Variants in IFNAR1 observed in about 807,000 individuals in gnomAD.
The protein encoded by IFNAR1 is interferon alpha and beta receptor subunit 1, also known as interferon alpha/beta receptor 1.
A neutral mutation model predicts 62.1 loss-of-function variants in IFNAR1; 47 were observed. The observed-to-expected ratio is 0.76, with a 90% CI of 0.60 to 0.97. The LOEUF (loss-of-function observed/expected upper bound fraction) is 0.97, where lower values mean the gene tolerates loss of function less well. Ranked by LOEUF, IFNAR1 falls within the 50% of genes least tolerant of loss-of-function variation. IFNAR1 has a pLI of 0.00. For synonymous variants in IFNAR1, 219 were observed against 226.9 expected (o/e 0.97, Z 0.31); for missense variants, 638 against 654.5 (o/e 0.97, Z 0.27).
chr21:33,349,045 T>A, intron 6 of IFNAR1, 46 bp from the exon 7 acceptor site: 1 of 1,222,228 alleles, frequency 8.2e-7, no homozygotes, highest in Non-Finnish European at 1.2e-6. Context: ...CAATTGTAAA[T>A]ACTTAATAAA....
chr21:33,324,731 C>T, upstream of IFNAR1: 1 of 393,708 alleles, frequency 2.5e-6, no homozygotes. Flanking sequence ...GGCCATAGGC[C>T]GGAAAGAGTG....
rs770390659 is a variant in IFNAR1, at chr21:33,325,040, C to A, written c.-16C>A. On this transcript the variant is annotated 5_prime_UTR_variant, in exon 1 of 11. It adds an upstream start codon to the 5' untranslated region. Transcript: ENST00000270139. ...TGCGCGAACATGTAACTGGTGGGAT[C>A]TGCGGCGGCTCCCAGATGATGGTCG... is the stretch of plus-strand genomic sequence containing the variant. The A allele has an allele frequency of 1.1e-5, 18 of 1,583,724 alleles. No individual in the cohort carries two copies. The Admixed American group carries it at 3.1e-4, about 27-fold the overall frequency.
intron 3 of IFNAR1, among the ~76,000 whole-genome samples, chr21:33,342,813 T>C (rs376612609): frequency 9.2e-5 from 14 of 151,432 alleles, no homozygotes; most frequent in Non-Finnish European, 2.1e-4. Flanking sequence ...GCCGAGATCG[T>C]GCCACTGCAC....
intron 5 of IFNAR1, among the ~76,000 whole-genome samples, 163 bp from the exon 6 acceptor site, chr21:33,345,083 C>G (rs1007669128): frequency 6.6e-6 from 1 of 152,146 alleles, no homozygotes; most frequent in Non-Finnish European, 1.5e-5. Context: ...CCACTGCGCC[C>G]GGCCTGTAGT....
At chr21:33,336,757 T>C (rs2083241217) in intron 2 of IFNAR1, among the ~76,000 whole-genome samples, 1 of 148,110 alleles carries the variant, frequency 6.8e-6, no homozygotes, top group Admixed American at 6.7e-5. Context: ...CTTTTTTTTT[T>C]TTTTTTTTTT....
Position 33,325,028 on chromosome 21 carries a change from A to C in IFNAR1, c.-28A>C, listed in dbSNP as rs1344451312. On this transcript the variant is annotated 5_prime_UTR_variant, in exon 1 of 11. The change abolishes the stop of an existing upstream ORF in the 5' untranslated region. Transcript: ENST00000270139. ...AGGAGCTGCGCGTGCGCGAACATGT[A>C]ACTGGTGGGATCTGCGGCGGCTCCC... 1 of 1,573,376 alleles carries C rather than the reference A, an allele frequency of 6.4e-7. No individual in the cohort carries two copies. The highest frequency in any genetic ancestry group is 1.2e-5 in the South Asian group (1 of 86,138).
rs1319154637 is a variant in IFNAR1 at position 33,353,706 on chromosome 21, T to C, written c.1363T>C (p.Tyr455His). 2 of 1,591,078 alleles carry C rather than the reference T, an allele frequency of 1.3e-6. No individual in the cohort carries two copies. The highest frequency in any genetic ancestry group is 1.8e-5 in the Admixed American group (1 of 54,076). ...IALFALPFVI[Y>H]AAKVFLRCIN... ...ATTATTTGCTCTCCCGTTTGTCATT[T>C]ATGCTGCGAAAGTCTTCTTGAGATG... The change falls in exon 10 of 11, where the codon TAT (tyrosine) becomes CAT (histidine). Residue 455 changes from tyrosine to histidine, a missense_variant. Coordinates refer to ENST00000270139, the MANE Select transcript of IFNAR1 (RefSeq NM_000629.3).
intron 6 of IFNAR1, among the ~76,000 whole-genome samples, chr21:33,346,549 C>T (rs1052916991): frequency 3.9e-5 from 6 of 152,112 alleles, no homozygotes; most frequent in Non-Finnish European, 8.8e-5. Flanking sequence ...AATAGGGTCA[C>T]CAAATAGATA....
At chr21:33,334,559 C>A in intron 1 of IFNAR1, 1 of 525,338 alleles carries the variant, frequency 1.9e-6, no homozygotes, top group Non-Finnish European at 3.8e-6. Flanking sequence ...CTAGAACTGC[C>A]CTGCGAGAAA....
intron 1 of IFNAR1, chr21:33,334,619 G>C (rs2083215408): frequency 1.6e-6 from 1 of 639,350 alleles, no homozygotes; most frequent in Non-Finnish European, 3.0e-6. Context: ...AGACAGAGGG[G>C]ACAGTGCAGA....
intron 1 of IFNAR1, among the ~76,000 whole-genome samples, chr21:33,334,380 C>T (rs1300849283): frequency 6.6e-6 from 1 of 152,094 alleles, no homozygotes; most frequent in African/African-American, 2.4e-5. Context: ...TCTTTGATAA[C>T]ATGATCAGCA....
intron 9 of IFNAR1, 109 bp downstream of exon 9, chr21:33,353,017 T>A: frequency 1.5e-6 from 1 of 682,906 alleles, no homozygotes; most frequent in Non-Finnish European, 2.2e-6. Flanking sequence ...GCAAAAAATA[T>A]ATAGAAAGAA....
Position 33,335,527 on chromosome 21 carries a change from G to GA in IFNAR1, c.86dup (p.Asn29LysfsTer15). Reference sequence around the variant, plus strand: ...TTATTTCTTGTTGCTTTTATAGGTGGAAAAAATCTAAAATCTCCTCAAAAA... The same window carrying GA: ...TTATTTCTTGTTGCTTTTATAGGTGGAAAAAAATCTAAAATCTCCTCAAAAA... On this transcript the variant is annotated frameshift_variant, in exon 2 of 11. Transcript: ENST00000270139. LOFTEE classifies it high-confidence loss of function. The GA allele has an allele frequency of 1.9e-6, 3 of 1,580,006 alleles. No individual in the cohort carries two copies. The highest frequency in any genetic ancestry group is 2.6e-6 in the Non-Finnish European group (3 of 1,155,334).
chr21:33,332,495 A>G (rs1430292197), intron 1 of IFNAR1, among the ~76,000 whole-genome samples: 3 of 152,228 alleles, frequency 2.0e-5, no homozygotes. Context: ...GACACCACCA[A>G]AGGAAAGTAA....
chr21:33,348,664 T>C (rs1427514383), intron 6 of IFNAR1, among the ~76,000 whole-genome samples: 2 of 152,056 alleles, frequency 1.3e-5, no homozygotes, highest in Non-Finnish European at 2.9e-5. Context: ...TAGGCAGGCC[T>C]GGTGGCGTGC....
chr21:33,337,188 A>G (rs1490063949), intron 2 of IFNAR1, among the ~76,000 whole-genome samples: 1 of 151,902 alleles, frequency 6.6e-6, no homozygotes, highest in African/African-American at 2.4e-5. Flanking sequence ...GCACCACTGT[A>G]CTCCAGCCTG....
intron 2 of IFNAR1, among the ~76,000 whole-genome samples, chr21:33,338,571 A>C (rs2083265126): frequency 6.9e-6 from 1 of 144,352 alleles, no homozygotes; most frequent in Non-Finnish European, 1.5e-5. Context: ...AATATATTTC[A>C]TGCCAAACAC....
chr21:33,328,871 G>A (rs1212032716), intron 1 of IFNAR1, among the ~76,000 whole-genome samples: 1 of 151,888 alleles, frequency 6.6e-6, no homozygotes, highest in Non-Finnish European at 1.5e-5. Flanking sequence ...TACATGTGGG[G>A]TAATTAATTG....
At position 33,357,119 on chromosome 21, in the gene IFNAR1, G is replaced by A. The variant is rs772196327; in HGVS notation, c.*1570G>A. On this transcript the variant is annotated 3_prime_UTR_variant, in exon 11 of 11. Coordinates refer to ENST00000270139, the MANE Select transcript of IFNAR1 (RefSeq NM_000629.3). ...GATTACCCATGGATATCCTTAATAGGCAGGAAGTCTGGGAATTCTGGTGGC... is the reference window on the plus strand; with the variant it reads ...GATTACCCATGGATATCCTTAATAGACAGGAAGTCTGGGAATTCTGGTGGC... 2 of 152,178 alleles carry A rather than the reference G, an allele frequency of 1.3e-5. No homozygotes were observed. Among genetic ancestry groups the A allele is most frequent in the African/African-American group, 4.8e-5 (2 of 41,438 alleles). The allele number at this position is 152,178 out of a possible 1,614,324, so 9.4% of individuals were successfully genotyped here.
Sources: allele counts gnomAD v4.1 joint callset (sites outside exome capture counted in the v4.1 genomes callset), GRCh38; gene constraint gnomAD v4.1.1; transcripts MANE v1.5; gene names NCBI Gene and HGNC (gene_info 2026-07-23, HGNC 2026-07-21).